DCTN6: variants seen among roughly 807,000 people sequenced by gnomAD.
The protein encoded by DCTN6 is dynactin 6.
A neutral mutation model predicts 25.8 loss-of-function variants in DCTN6; 15 were observed. That is an observed-to-expected ratio of 0.58 (90% CI 0.39 to 0.89). The LOEUF (loss-of-function observed/expected upper bound fraction) is 0.89. Among genes scored for constraint, DCTN6 ranks in the 40% least tolerant of loss-of-function variants. The pLI, the probability that DCTN6 is intolerant of heterozygous loss-of-function variation, is 0.00. For synonymous variants in DCTN6, 64 were observed against 78.3 expected (o/e 0.82, Z 0.96); for missense variants, 198 against 237.6 (o/e 0.83, Z 1.09).
At chr8:30,163,947 C>G (rs1803631417) in intron 1 of DCTN6, among the ~76,000 whole-genome samples, 164 bp from the exon 2 acceptor site, 1 of 152,162 alleles carries the variant, frequency 6.6e-6, no homozygotes, top group Non-Finnish European at 1.5e-5. Context: ...GGTGATCCCC[C>G]CACCTCGGCC....
In DCTN6 at chr8:30,177,271, T is replaced by C. The variant is rs1042318106; in HGVS notation, c.283+57T>C. The C allele has an allele frequency of 3.6e-6, 5 of 1,380,942 alleles. No homozygotes were observed. In the African/African-American group the frequency reaches 5.8e-5, roughly 16 times the overall value. 85.5% of individuals were successfully genotyped at this position (1,380,942 alleles called of 1,614,324 possible). ...TCCTGGCTCTCCTTTAGTACCTAAGTCTTCTCCTGTAGAAATTGTAAATAA... is the reference window on the plus strand; with the variant it reads ...TCCTGGCTCTCCTTTAGTACCTAAGCCTTCTCCTGTAGAAATTGTAAATAA... On this transcript the variant is annotated intron_variant, in intron 4 of 6. Coordinates refer to ENST00000221114, the MANE Select transcript of DCTN6 (RefSeq NM_006571.4).
At chr8:30,156,752 G>A (rs1485102470) in intron 1 of DCTN6, among the ~76,000 whole-genome samples, 1 of 152,310 alleles carries the variant, frequency 6.6e-6, no homozygotes, top group African/African-American at 2.4e-5. Flanking sequence ...CCCTTCTCCC[G>A]CATAATCGGC....
chr8:30,180,239 G>A (rs769463620), intron 5 of DCTN6, among the ~76,000 whole-genome samples: 1 of 152,072 alleles, frequency 6.6e-6, no homozygotes, highest in South Asian at 2.1e-4. Context: ...AGATGAACTT[G>A]AGCTTAGAGA....
At chr8:30,180,745 A>C in intron 6 of DCTN6, 115 bp downstream of exon 6, 5 of 1,273,774 alleles carry the variant, frequency 3.9e-6, no homozygotes, top group Non-Finnish European at 3.2e-6. Flanking sequence ...AAATAAAACA[A>C]AAGATGCCAG....
At chr8:30,180,840 T>A in intron 6 of DCTN6, 1 of 600,302 alleles carries the variant, frequency 1.7e-6, no homozygotes, top group Non-Finnish European at 2.9e-6. Context: ...AAGAGCAGCC[T>A]GGGCAACATA....
chr8:30,175,069 A>G lies in DCTN6; in HGVS notation c.89-16A>G. On this transcript the variant is annotated splice_polypyrimidine_tract_variant and intron_variant, in intron 2 of 6. Transcript: ENST00000221114. The stretch of plus-strand genomic sequence containing the variant: ...TAGCCTCCACCAATAATTTCTTCTC[A>G]AACTATTTTTAACAGGACCTCGGAC... The G allele has an allele frequency of 6.2e-7, 1 of 1,612,560 alleles. No homozygotes were observed. The highest frequency in any genetic ancestry group is 1.3e-5 in the African/African-American group (1 of 74,992).
At chr8:30,173,217 C>T (rs1803786278) in intron 2 of DCTN6, among the ~76,000 whole-genome samples, 1 of 152,166 alleles carries the variant, frequency 6.6e-6, no homozygotes, top group African/African-American at 2.4e-5. Flanking sequence ...AGCAATTCCT[C>T]ATCAGGAAAA....
intron 2 of DCTN6, among the ~76,000 whole-genome samples, chr8:30,169,538 C>A (rs967637524): frequency 2.6e-5 from 4 of 152,202 alleles, no homozygotes; most frequent in African/African-American, 9.7e-5. Flanking sequence ...AGGGCTTCAG[C>A]ACATTTAGTA....
At chr8:30,182,211 G>A (rs1037257985) in intron 6 of DCTN6, among the ~76,000 whole-genome samples, 9 of 152,188 alleles carry the variant, frequency 5.9e-5, no homozygotes, top group African/African-American at 1.4e-4. Flanking sequence ...TAAGGATTAT[G>A]TAGAGGTCTT....
Position 30,180,629 on chromosome 8 carries a change from A to G in DCTN6, c.473A>G (p.Gln158Arg). 1 of 1,613,962 alleles carries G rather than the reference A, an allele frequency of 6.2e-7. No homozygotes were observed. The change falls in exon 6 of 7, where the codon CAG (glutamine) becomes CGG (arginine). Residue 158 changes from glutamine to arginine, a missense_variant and splice_region_variant. Physicochemically the swap from Gln to Arg is conservative, Grantham distance 43 (BLOSUM62 1). Transcript: ENST00000221114. ...CLRRVQTERP[Q>R]PQTLQLDFLM... ...CGTCGGGTGCAGACTGAGCGACCGCAGGTACTAGAACCTCTCTTTAAAAAG... is the reference window on the plus strand; with the variant it reads ...CGTCGGGTGCAGACTGAGCGACCGCGGGTACTAGAACCTCTCTTTAAAAAG...
chr8:30,179,780 GA>G (rs142703056), intron 5 of DCTN6, among the ~76,000 whole-genome samples: 122 of 152,214 alleles, frequency 8.0e-4, no homozygotes, highest in Non-Finnish European at 1.4e-3. Flanking sequence ...TAAAGGGGGG[GA>G]AAAATCAAAG....
intron 3 of DCTN6, among the ~76,000 whole-genome samples, chr8:30,176,392 C>T (rs1297315097): frequency 2.0e-5 from 3 of 151,940 alleles, no homozygotes; most frequent in Non-Finnish European, 2.9e-5. Flanking sequence ...ATTAGCCGGG[C>T]GTGGTGGCAC....
intron 4 of DCTN6, among the ~76,000 whole-genome samples, chr8:30,178,593 A>T (rs1228339767): frequency 6.6e-6 from 1 of 152,204 alleles, no homozygotes; most frequent in Non-Finnish European, 1.5e-5. Flanking sequence ...AATAAATTGA[A>T]CTATGAGCAT....
chr8:30,169,156 C>G (rs952605713), intron 2 of DCTN6, among the ~76,000 whole-genome samples: 6 of 152,194 alleles, frequency 3.9e-5, no homozygotes, highest in African/African-American at 1.4e-4. Context: ...GACCAAAAGC[C>G]TCCCTTTCAT....
Position 30,162,748 on chromosome 8 carries a change from C to A in DCTN6, c.24-1363C>A, listed in dbSNP as rs972656250. On this transcript the variant is annotated intron_variant, in intron 1 of 6. Coordinates refer to ENST00000221114, the MANE Select transcript of DCTN6 (RefSeq NM_006571.4). ...ATTAGAGTCTTTTGAAGAATTTGTA[C>A]TACAATTTATATTACTTGGTAAAAA... Among the ~76,000 whole-genome samples the A allele has an allele frequency of 1.8e-4, 27 of 151,986 alleles. 1 individual carries two copies. Among genetic ancestry groups the A allele is most frequent in the Admixed American group, 1.7e-3 (26 of 15,254 alleles).
intron 2 of DCTN6, 121 bp downstream of exon 2, chr8:30,164,296 A>T (rs1803636590): frequency 1.3e-6 from 1 of 789,118 alleles, no homozygotes; most frequent in South Asian, 1.6e-5. Context: ...TATTGACAAA[A>T]TAATGCATTT....
At chr8:30,182,064 GT>G (rs1466464172) in intron 6 of DCTN6, among the ~76,000 whole-genome samples, 2 of 152,048 alleles carry the variant, frequency 1.3e-5, no homozygotes, top group Non-Finnish European at 2.9e-5. Flanking sequence ...CCAGTCATTT[GT>G]TTTACTTTCT....
chr8:30,157,267 T>G lies in DCTN6; in HGVS notation c.23+861T>G, dbSNP rs559566196. On this transcript the variant is annotated intron_variant, in intron 1 of 6. Transcript: ENST00000221114. ...TCCATGTTGTTGCAAAAGACATGTT[T>G]CCTTTCTTTTTGATGGCTCTGTAGT... 3.3e-5 allele frequency among the ~76,000 whole-genome samples: 5 copies of G among 152,352 alleles called. No individual in the cohort carries two copies. The South Asian group carries it at 1.0e-3, about 32-fold the overall frequency.
intron 1 of DCTN6, among the ~76,000 whole-genome samples, chr8:30,163,402 G>T (rs1803622279): frequency 1.3e-5 from 2 of 152,206 alleles, no homozygotes; most frequent in African/African-American, 4.8e-5. Context: ...GATTACAGGT[G>T]TGAGCCACTG....
Sources: gnomAD v4.1 joint callset for allele counts (sites outside exome capture counted in the v4.1 genomes callset) on GRCh38, gnomAD v4.1.1 for gene constraint, MANE v1.5 for transcripts, NCBI Gene and HGNC (gene_info 2026-07-23, HGNC 2026-07-21) for gene names.